MLXIPL: variants seen among roughly 807,000 people sequenced by gnomAD.
MLXIPL encodes MLX interacting protein like, also known as carbohydrate-responsive element-binding protein.
MLXIPL carries 49 observed loss-of-function variants against 81.5 expected under a neutral mutation model. The ratio of observed to expected loss-of-function variants is 0.60; its 90% CI spans 0.48 to 0.76. The LOEUF (loss-of-function observed/expected upper bound fraction) is 0.76. Among genes scored for constraint, MLXIPL ranks in the 30% least tolerant of loss-of-function variants. The pLI, the probability that MLXIPL is intolerant of heterozygous loss-of-function variation, is 0.00. For synonymous variants in MLXIPL, 466 were observed against 485.5 expected (o/e 0.96, Z 0.53); for missense variants, 1,053 against 1,167.0 (o/e 0.90, Z 1.42).
chr7:73,624,638 T>G (rs1192912881), upstream of MLXIPL: 1 of 1,359,078 alleles, frequency 7.4e-7, no homozygotes, highest in Non-Finnish European at 9.4e-7. Context: ...GGGCTTGTAT[T>G]AGCATAATCC....
chr7:73,610,587 C>T (rs947389747), intron 2 of MLXIPL: 1 of 152,420 alleles, frequency 6.6e-6, no homozygotes, highest in African/African-American at 2.4e-5. Context: ...GATCCTCCCA[C>T]CTTAGCCTCC....
Position 73,593,902 on chromosome 7 carries a change from C to T in MLXIPL, c.2522G>A (p.Arg841Gln), listed in dbSNP as rs782028231. Reference protein sequence around the residue: ...DPGRIPEQATRAVTEGTLGKP... With the variant: ...DPGRIPEQATQAVTEGTLGKP... Reference sequence around the variant, plus strand: ...GCCAAGGGTGCCCTCTGTGACTGCCCGTGTGGCTTGCTCAGGGATGCGGCC... The same window carrying T: ...GCCAAGGGTGCCCTCTGTGACTGCCTGTGTGGCTTGCTCAGGGATGCGGCC... The change falls in exon 17 of 17, where the codon CGG (arginine) becomes CAG (glutamine). Residue 841 changes from arginine to glutamine, a missense_variant. Arg to Gln is a conservative substitution (Grantham distance 43). This residue lies in a region of MLXIPL where 823 missense variants were observed against 933.0 expected (regional missense o/e 0.88). Coordinates refer to ENST00000313375, the MANE Select transcript of MLXIPL (RefSeq NM_032951.3). 8.7e-6 allele frequency: 14 copies of T among 1,613,970 alleles called. No individual in the cohort carries two copies. Among genetic ancestry groups the T allele is most frequent in the East Asian group, 4.5e-5 (2 of 44,892 alleles).
rs564877221 is a variant in MLXIPL, at chr7:73,608,886, G to A, written c.401-1214C>T. Among the ~76,000 whole-genome samples, 3 of 152,176 alleles carry A rather than the reference G, an allele frequency of 2.0e-5. No homozygotes were observed. In the South Asian group the frequency reaches 6.2e-4, roughly 32 times the overall value. ...CTGTTGCCCAGGCCAGAGTGCAGTG[G>A]CGCAATCATAGCTCACTGAAGCCTT... On this transcript the variant is annotated intron_variant, in intron 2 of 16. Coordinates refer to ENST00000313375, the MANE Select transcript of MLXIPL (RefSeq NM_032951.3).
chr7:73,626,188 G>T (rs1796732577), upstream of MLXIPL, among the ~76,000 whole-genome samples: 1 of 152,110 alleles, frequency 6.6e-6, no homozygotes, highest in African/African-American at 2.4e-5. Context: ...ATTTTTAGTA[G>T]AGACGAGGTT....
At position 73,600,878 on chromosome 7, in the gene MLXIPL, C is replaced by T. The variant is rs895552645; in HGVS notation, c.902-1183G>A. ...TCTGGTTTTGGGAAGCAGCTGGCCA[C>T]GGCCTGACCACATCCCGGGCCTGGG... On this transcript the variant is annotated intron_variant, in intron 7 of 16. Transcript: ENST00000313375. Among the ~76,000 whole-genome samples the T allele has an allele frequency of 9.9e-5, 15 of 152,056 alleles. 1 individual carries two copies. The highest frequency in any genetic ancestry group is 3.6e-4 in the African/African-American group (15 of 41,444).
Position 73,617,770 on chromosome 7 carries a change from G to A in MLXIPL, c.294-1593C>T, listed in dbSNP as rs564640363. 4.6e-5 allele frequency among the ~76,000 whole-genome samples: 7 copies of A among 152,182 alleles called. 1 individual carries two copies. The highest frequency in any genetic ancestry group is 7.2e-5 in the African/African-American group (3 of 41,522). On this transcript the variant is annotated intron_variant, in intron 1 of 16. Coordinates refer to ENST00000313375, the MANE Select transcript of MLXIPL (RefSeq NM_032951.3). ...CGAGGTCAGAGGATTTCTTCAGCCC[G>A]GGAGTTTGAGGCTACAGTGAGCTAT...
intron 7 of MLXIPL, among the ~76,000 whole-genome samples, chr7:73,600,244 G>C (rs1174533694): frequency 6.6e-6 from 1 of 150,872 alleles, no homozygotes; most frequent in Non-Finnish European, 1.5e-5. Flanking sequence ...TAGGAGTGGG[G>C]TGAAGAGTGT....
At chr7:73,603,661 G>T (rs868907915) in intron 7 of MLXIPL, among the ~76,000 whole-genome samples, 18 of 152,218 alleles carry the variant, frequency 1.2e-4, no homozygotes, top group South Asian at 8.3e-4. Flanking sequence ...GTCCCCAGGG[G>T]CTTCGATGAG....
the MLXIPL span, among the ~76,000 whole-genome samples, chr7:73,642,590 A>G: frequency 6.6e-6 from 1 of 152,168 alleles, no homozygotes. Flanking sequence ...TCCTGATCTC[A>G]GATGATCCAC....
intron 2 of MLXIPL, among the ~76,000 whole-genome samples, chr7:73,612,557 G>T (rs933020371): frequency 6.6e-5 from 10 of 151,202 alleles, no homozygotes; most frequent in Non-Finnish European, 1.2e-4. Context: ...CAGGAGAATC[G>T]CTTGAACCCC....
chr7:73,631,558 C>CTTTTTTTTTTTTTTTTTTTTTTT, the MLXIPL span, among the ~76,000 whole-genome samples: 9 of 69,668 alleles, frequency 1.3e-4, 1 homozygote, highest in Non-Finnish European at 2.0e-4. Flanking sequence ...GATGTTGCTA[C>CTTTTTTTTTTTTTTTTTTTTTTT]TTTTTTTTTT....
chr7:73,612,833 C>A (rs986306361), intron 2 of MLXIPL, among the ~76,000 whole-genome samples: 1 of 152,046 alleles, frequency 6.6e-6, no homozygotes, highest in Admixed American at 6.6e-5. Flanking sequence ...GCCGCGGAAC[C>A]CTTTGCACCT....
rs1481633639 is a variant in MLXIPL, at chr7:73,623,078, AG to A, written c.293+1121del. Among the ~76,000 whole-genome samples, 1 of 152,126 alleles carries A rather than the reference AG, an allele frequency of 6.6e-6. No homozygotes were observed. The highest frequency in any genetic ancestry group is 1.5e-5 in the Non-Finnish European group (1 of 68,022). ...ATCGGGTTGCAACATGACCTGGGCC[AG>A]GGGCCAGAGCTTGTGGGCCAAGGTT... is the stretch of plus-strand genomic sequence containing the variant. On this transcript the variant is annotated intron_variant, in intron 1 of 16. Coordinates refer to ENST00000313375, the MANE Select transcript of MLXIPL (RefSeq NM_032951.3). The surrounding 1 kb of genome is among the most constrained non-coding windows in gnomAD (Gnocchi z 5.7).
In MLXIPL at chr7:73,596,701, A is replaced by G; in HGVS notation, c.1760T>C (p.Leu587Ser). Residue 587 changes from leucine to serine, a missense_variant, in exon 11 of 17, where the codon TTG becomes TCG. Physicochemically the swap from Leu to Ser is moderately radical, Grantham distance 145. Coordinates refer to ENST00000313375, the MANE Select transcript of MLXIPL (RefSeq NM_032951.3). The surrounding 1 kb of genome is among the most constrained non-coding windows in gnomAD (Gnocchi z 4.7). Reference sequence around the variant, plus strand: ...GACAAGCAGGGGCCTGGAAGGGGCCAATGTGGCCGGGCCTGGAGGTGGCCG... The same window carrying G: ...GACAAGCAGGGGCCTGGAAGGGGCCGATGTGGCCGGGCCTGGAGGTGGCCG... The part of the protein sequence containing the change: ...PPRPPPGPAT[L>S]APSRPLLVPK... 4 of 1,590,152 alleles carry G rather than the reference A, an allele frequency of 2.5e-6. No homozygotes were observed. Among genetic ancestry groups the G allele is most frequent in the Non-Finnish European group, 3.4e-6 (4 of 1,168,560 alleles).
intron 15 of MLXIPL, 147 bp from the exon 16 acceptor site, chr7:73,594,550 CTTCTT>C: frequency 2.1e-6 from 2 of 959,724 alleles, no homozygotes; most frequent in Non-Finnish European, 3.1e-6. Context: ...GCCCCTACTT[CTTCTT>C]TTTTTTTTTT....
chr7:73,624,789 G>T (rs893310236), upstream of MLXIPL, among the ~76,000 whole-genome samples: 9 of 152,178 alleles, frequency 5.9e-5, no homozygotes, highest in African/African-American at 1.7e-4. Context: ...GGACGCCAGG[G>T]GCTCTTGCCT....
At chr7:73,606,622 C>G in intron 5 of MLXIPL, 1 of 333,402 alleles carries the variant, frequency 3.0e-6, no homozygotes. Flanking sequence ...GACGGGGTTT[C>G]ACCATGTTGG....
the MLXIPL span, among the ~76,000 whole-genome samples, chr7:73,646,303 G>C: frequency 6.6e-6 from 1 of 152,076 alleles, no homozygotes; most frequent in South Asian, 2.1e-4. Flanking sequence ...CCACTTCCAC[G>C]CTTCCAGTCC....
At chr7:73,629,691 C>T in the MLXIPL span, among the ~76,000 whole-genome samples, 27 of 152,288 alleles carry the variant, frequency 1.8e-4, no homozygotes, top group African/African-American at 6.0e-4. Context: ...TGCCACTGTA[C>T]TCCAGCCTGG....
Sources: allele counts gnomAD v4.1 joint callset (sites outside exome capture counted in the v4.1 genomes callset), GRCh38; gene constraint gnomAD v4.1.1; regional missense constraint gnomAD v4.1.1; non-coding constraint Gnocchi (gnomAD v3.1); transcripts MANE v1.5; gene names NCBI Gene and HGNC (gene_info 2026-07-23, HGNC 2026-07-21).